The following COL14A1 variants were observed in gnomAD, a reference collection of about 807,000 sequenced individuals.
COL14A1 encodes collagen alpha-1(XIV) chain.
In COL14A1, 136 loss-of-function variants were observed where a neutral mutation model predicts 230.3. The observed-to-expected ratio is 0.59, with a 90% CI of 0.51 to 0.68. The LOEUF (loss-of-function observed/expected upper bound fraction) is 0.68, where lower values mean the gene tolerates loss of function less well. COL14A1 is among the 30% of genes least tolerant of loss of function. COL14A1 has a pLI of 0.00. For missense variants in COL14A1, 1,976 were observed against 2,215.8 expected, an observed-to-expected ratio of 0.89 and a Z score of 2.17; for synonymous variants, 792 against 784.1, an observed-to-expected ratio of 1.01 and a Z score of -0.17.
At chr8:120,307,790 C>CAGGG (rs1485899527) in intron 36 of COL14A1, among the ~76,000 whole-genome samples, 2 of 152,132 alleles carry the variant, frequency 1.3e-5, no homozygotes, top group Non-Finnish European at 2.9e-5. Context: ...TTTAAGGAAA[C>CAGGG]AGGGACCCTC....
intron 13 of COL14A1, among the ~76,000 whole-genome samples, chr8:120,214,739 T>C (rs1386066370): frequency 2.0e-5 from 3 of 150,744 alleles, no homozygotes; most frequent in African/African-American, 7.3e-5. Flanking sequence ...TACAATATCC[T>C]GGGGGAGAGA....
At chr8:120,153,287 A>G (rs1307030558) in intron 2 of COL14A1, among the ~76,000 whole-genome samples, 1 of 152,102 alleles carries the variant, frequency 6.6e-6, no homozygotes, top group East Asian at 1.9e-4. Flanking sequence ...GGCTCAAGTG[A>G]TCCTCCTATC....
At chr8:120,134,182 G>A (rs912845817) in intron 1 of COL14A1, among the ~76,000 whole-genome samples, 1 of 151,916 alleles carries the variant, frequency 6.6e-6, no homozygotes, top group Non-Finnish European at 1.5e-5. Context: ...ACCTAAATTG[G>A]TCTACTAATT....
At chr8:120,159,862 TTA>T (rs1183907987) in intron 3 of COL14A1, among the ~76,000 whole-genome samples, 3 of 152,086 alleles carry the variant, frequency 2.0e-5, no homozygotes, top group Non-Finnish European at 2.9e-5. Flanking sequence ...TGGCTAATTT[TTA>T]TATGTTTAGT....
Position 120,262,871 on chromosome 8 carries a change from G to A in COL14A1, c.2873G>A (p.Arg958Lys). Residue 958 changes from arginine (R) to lysine (K), a missense_variant, in exon 24 of 48, where the codon AGG (arginine) becomes AAG (lysine). Arg to Lys is a conservative substitution (Grantham distance 26, BLOSUM62 2). Transcript: ENST00000297848. Reference protein sequence around the residue: ...YRVVIESLQDRQKQESTVGGG... With the variant: ...YRVVIESLQDKQKQESTVGGG... ...TTTTGTTTTGTTTTTATTATAGATA[G>A]GCAAAAGCAAGAATCCACTGTGGGT... is the stretch of plus-strand genomic sequence containing the variant. The A allele has an allele frequency of 3.1e-6, 5 of 1,601,940 alleles. No homozygotes were observed. Among genetic ancestry groups the A allele is most frequent in the Non-Finnish European group, 4.2e-6 (5 of 1,176,962 alleles).
chr8:120,302,533 G>A (rs1820745765), intron 36 of COL14A1, among the ~76,000 whole-genome samples: 1 of 152,092 alleles, frequency 6.6e-6, no homozygotes, highest in South Asian at 2.1e-4. Context: ...CAGCTCTGCT[G>A]AAGATCAGAT....
At chr8:120,146,834 T>C (rs1815105404) in intron 1 of COL14A1, among the ~76,000 whole-genome samples, 1 of 152,040 alleles carries the variant, frequency 6.6e-6, no homozygotes, top group African/African-American at 2.4e-5. Flanking sequence ...AATGAAAAAA[T>C]GAATTAAAAA....
At chr8:120,285,258 C>A (rs1471235632) in intron 32 of COL14A1, among the ~76,000 whole-genome samples, 1 of 151,502 alleles carries the variant, frequency 6.6e-6, no homozygotes, top group Non-Finnish European at 1.5e-5. Context: ...TCGAGACCAT[C>A]CTGAACATGA....
intron 34 of COL14A1, among the ~76,000 whole-genome samples, chr8:120,292,891 C>T (rs935458936): frequency 6.6e-6 from 1 of 151,968 alleles, no homozygotes. Context: ...AGTAACTACT[C>T]GATAGAAATT....
chr8:120,266,061 T>C (rs1265530680), intron 24 of COL14A1, among the ~76,000 whole-genome samples: 1 of 152,076 alleles, frequency 6.6e-6, no homozygotes, highest in Non-Finnish European at 1.5e-5. Context: ...TTCTTAGTTT[T>C]TCTTAAATCT....
At chr8:120,316,915 G>C (rs888670375) in intron 40 of COL14A1, among the ~76,000 whole-genome samples, 12 of 152,170 alleles carry the variant, frequency 7.9e-5, no homozygotes, top group Non-Finnish European at 1.6e-4. Flanking sequence ...TTAGGTGTGG[G>C]GAGATTGTTA....
chr8:120,370,007 G>A (rs1823533668), intron 47 of COL14A1, among the ~76,000 whole-genome samples: 1 of 152,194 alleles, frequency 6.6e-6, no homozygotes, highest in Non-Finnish European at 1.5e-5. Flanking sequence ...AAGAATAGTT[G>A]TGAGAGGAAA....
chr8:120,154,535 C>A (rs1471842146), intron 2 of COL14A1, among the ~76,000 whole-genome samples: 1 of 152,148 alleles, frequency 6.6e-6, no homozygotes, highest in Non-Finnish European at 1.5e-5. Flanking sequence ...CCCTCAGTCT[C>A]CCTTTGGGAT....
intron 36 of COL14A1, among the ~76,000 whole-genome samples, chr8:120,302,027 C>A (rs1301995123): frequency 6.6e-6 from 1 of 151,612 alleles, no homozygotes; most frequent in Non-Finnish European, 1.5e-5. Flanking sequence ...CTGTTTATGT[C>A]CTTCTTTTGA....
intron 3 of COL14A1, among the ~76,000 whole-genome samples, chr8:120,160,959 G>A (rs1815646912): frequency 1.3e-5 from 2 of 152,152 alleles, no homozygotes; most frequent in South Asian, 4.1e-4. Context: ...AACTCTCAAA[G>A]AGGGACTCTA....
At chr8:120,278,687 C>A (rs1335436895) in intron 28 of COL14A1, 109 bp downstream of exon 28, 1 of 1,125,278 alleles carries the variant, frequency 8.9e-7, no homozygotes, top group African/African-American at 1.6e-5. Context: ...TAAAATATTT[C>A]TTCATATTAA....
chr8:120,268,567 T>C (rs1164486367), intron 25 of COL14A1, among the ~76,000 whole-genome samples: 2 of 151,706 alleles, frequency 1.3e-5, no homozygotes, highest in Non-Finnish European at 3.0e-5. Flanking sequence ...ATGGTTTAGA[T>C]GGTGCTTTTG....
chr8:120,341,240 T>A (rs558020814), intron 42 of COL14A1, 85 bp from the exon 43 acceptor site: 35 of 1,380,536 alleles, frequency 2.5e-5, no homozygotes, highest in South Asian at 8.2e-5. Context: ...GAAAAATGTC[T>A]TAATAAAATA....
rs1812162000 is a variant in COL14A1 at position 120,371,665 on chromosome 8, G to A, written c.*434G>A. 5.0e-6 allele frequency: 2 copies of A among 398,342 alleles called. No homozygotes were observed. The highest frequency in any genetic ancestry group is 8.9e-6 in the Non-Finnish European group (2 of 225,824). The allele number at this position is 398,342 out of a possible 1,614,324, so 24.7% of individuals were successfully genotyped here. ...TGTCACTTACTCCTACTTGCTGTAGGAATAACCTTGCTGATAAGAAAAAAA... is the reference window on the plus strand; with the variant it reads ...TGTCACTTACTCCTACTTGCTGTAGAAATAACCTTGCTGATAAGAAAAAAA... On this transcript the variant is annotated 3_prime_UTR_variant, in exon 48 of 48. Transcript: ENST00000297848.
Sources: gnomAD v4.1 joint callset for allele counts (sites outside exome capture counted in the v4.1 genomes callset) on GRCh38, gnomAD v4.1.1 for gene constraint, MANE v1.5 for transcripts, NCBI Gene and HGNC (gene_info 2026-07-23, HGNC 2026-07-21) for gene names.